The following PC variants were observed in gnomAD, a reference collection of about 807,000 sequenced individuals.
PC encodes the protein pyruvate carboxylase, mitochondrial.
A neutral mutation model predicts 107.8 loss-of-function variants in PC; 46 were observed. The ratio of observed to expected loss-of-function variants is 0.43; its 90% CI spans 0.34 to 0.55. PC has a LOEUF of 0.55. Among genes scored for constraint, PC ranks in the 20% least tolerant of loss-of-function variants. The probability of loss-of-function intolerance (pLI) is 0.04; values close to 1 mark genes in which losing one functional copy is unlikely to be tolerated. For synonymous variants in PC, 662 were observed against 684.7 expected (o/e 0.97, Z 0.52); for missense variants, 1,241 against 1,643.1 (o/e 0.76, Z 4.23).
rs561169212 is a variant in PC at position 66,848,798 on chromosome 11, C to T, written c.*101G>A. 372 of 1,501,156 alleles carry T rather than the reference C, an allele frequency of 2.5e-4. No individual in the cohort carries two copies. The highest frequency in any genetic ancestry group is 5.9e-4 in the South Asian group (52 of 88,094). 93.0% of individuals were successfully genotyped at this position (1,501,156 alleles called of 1,614,324 possible). A position where few individuals can be genotyped will look rare whatever the true frequency, so the allele number is the denominator to read the frequency against. On this transcript the variant is annotated 3_prime_UTR_variant, in exon 23 of 23. Transcript: ENST00000393960. ...AGCTGTGGACAGGACCTCCACGGCC[C>T]GGCCTTCCTGGCCTCGGGCACTGGC...
rs757589132 is a variant in PC, at chr11:66,866,195, G to A, written c.1177C>T (p.Arg393Cys). ...GCTCGAGCTCCGCCCACCTCAATGC[G>A]GCCGGTGTCCGGCTGGAAGCTGCGC... is the stretch of plus-strand genomic sequence containing the variant. Reference protein sequence around the residue: ...PARSFQPDTGRIEVFRSGEGM... With the variant: ...PARSFQPDTGCIEVFRSGEGM... Residue 393 changes from arginine to cysteine, a missense_variant, in exon 11 of 23, where the codon CGC becomes TGC. This residue lies in a region of PC where 1,143 missense variants were observed against 1,551.9 expected (regional missense o/e 0.74). Coordinates refer to ENST00000393960, the MANE Select transcript of PC (RefSeq NM_001040716.2). This position sits in a 1 kb window ranked among gnomAD's most constrained non-coding sequence, Gnocchi z 5.4. The A allele has an allele frequency of 1.1e-5, 18 of 1,608,550 alleles. No individual in the cohort carries two copies. The highest frequency in any genetic ancestry group is 1.9e-4 in the Middle Eastern group (1 of 5,152).
chr11:66,851,730 A>G (rs1381467322), intron 16 of PC, 60 bp downstream of exon 16: 2 of 1,572,590 alleles, frequency 1.3e-6, no homozygotes, highest in Non-Finnish European at 1.8e-6. Context: ...CCATCACGAC[A>G]TGGCTCGGTA....
At chr11:66,921,755 T>C (rs1238150368) in intron 3 of PC, among the ~76,000 whole-genome samples, 2 of 152,302 alleles carry the variant, frequency 1.3e-5, no homozygotes, top group East Asian at 3.9e-4. Flanking sequence ...AGATAATACA[T>C]GAAGAGGCCC....
chr11:66,904,005 T>C (rs1285283378), intron 3 of PC, among the ~76,000 whole-genome samples: 4 of 151,392 alleles, frequency 2.6e-5, no homozygotes, highest in African/African-American at 7.3e-5. Context: ...AGACTATAAT[T>C]ATATTTAACA....
Position 66,871,748 on chromosome 11 carries a change from C to T in PC, c.260G>A (p.Gly87Asp). The T allele has an allele frequency of 6.3e-7, 1 of 1,589,366 alleles. No homozygotes were observed. The change falls in exon 5 of 23, where the codon GGC becomes GAC. Residue 87 changes from glycine (G) to aspartate (D), a missense_variant. Gly to Asp is a moderately conservative substitution (Grantham distance 94). Coordinates refer to ENST00000393960, the MANE Select transcript of PC (RefSeq NM_001040716.2). The surrounding 1 kb of genome is among the most constrained non-coding windows in gnomAD (Gnocchi z 7.4). Reference sequence around the variant, plus strand: ...GGCCTGCACGGGGGCCAGGCCGCGGCCGATGAGATAGGCTTCATCTGCTTT... The same window carrying T: ...GGCCTGCACGGGGGCCAGGCCGCGGTCGATGAGATAGGCTTCATCTGCTTT... Reference protein sequence around the residue: ...RQKADEAYLIGRGLAPVQAYL... With the variant: ...RQKADEAYLIDRGLAPVQAYL...
At chr11:66,955,360 C>T (rs567369192) in intron 1 of PC, among the ~76,000 whole-genome samples, 2 of 152,084 alleles carry the variant, frequency 1.3e-5, no homozygotes, top group Non-Finnish European at 2.9e-5. Context: ...GAAGTGAGAC[C>T]GGGTGAAAGC....
intron 2 of PC, 70 bp downstream of exon 2, chr11:66,954,179 G>T (rs957728456): frequency 8.5e-5 from 13 of 152,134 alleles, no homozygotes; most frequent in Non-Finnish European, 1.3e-4. Flanking sequence ...AGCAGAGGGG[G>T]GACCGTGAGA....
intron 3 of PC, among the ~76,000 whole-genome samples, chr11:66,892,703 C>G (rs1947620398): frequency 6.6e-6 from 1 of 152,042 alleles, no homozygotes; most frequent in African/African-American, 2.4e-5. Context: ...AAAAATTAGC[C>G]AGGCACGGTG....
intron 1 of PC, among the ~76,000 whole-genome samples, chr11:66,957,098 C>T (rs1031428185): frequency 3.3e-5 from 5 of 152,216 alleles, no homozygotes; most frequent in African/African-American, 9.6e-5. Flanking sequence ...AGCACATCCA[C>T]CCCCAGCACA....
intron 3 of PC, among the ~76,000 whole-genome samples, chr11:66,895,396 T>C (rs1227714656): frequency 2.0e-5 from 3 of 151,906 alleles, no homozygotes; most frequent in Non-Finnish European, 4.4e-5. Flanking sequence ...CAACCAAAGG[T>C]CCCTGGGCAG....
At chr11:66,854,960 G>A (rs1469430471) in intron 12 of PC, among the ~76,000 whole-genome samples, 6 of 152,160 alleles carry the variant, frequency 3.9e-5, no homozygotes, top group East Asian at 3.9e-4. Context: ...CCCCGAGCGC[G>A]CAGAGTGAGA....
At chr11:66,873,465 ATATAT>A in intron 3 of PC, among the ~76,000 whole-genome samples, 1 of 83,152 alleles carries the variant, frequency 1.2e-5, no homozygotes, top group Non-Finnish European at 2.2e-5. Flanking sequence ...AATATATATT[ATATAT>A]AATATAATAT....
chr11:66,868,248 GAC>G lies in PC; in HGVS notation c.1022+596_1022+597del, dbSNP rs1946578339. Among the ~76,000 whole-genome samples, 5 of 152,306 alleles carry G rather than the reference GAC, an allele frequency of 3.3e-5. No individual in the cohort carries two copies. In the South Asian group the frequency reaches 1.0e-3, roughly 32 times the overall value. The stretch of plus-strand genomic sequence containing the variant: ...ACACGCTTAATAACCACCAAAGCCA[GAC>G]ACACAAACTAATTGCCTAACAATCG... On this transcript the variant is annotated intron_variant, in intron 10 of 22. Coordinates refer to ENST00000393960, the MANE Select transcript of PC (RefSeq NM_001040716.2).
intron 3 of PC, among the ~76,000 whole-genome samples, chr11:66,872,596 G>T (rs1019397375): frequency 6.6e-6 from 1 of 151,166 alleles, no homozygotes; most frequent in Non-Finnish European, 1.5e-5. Flanking sequence ...TTAGCCGGGC[G>T]TGGTGGCGGG....
chr11:66,877,552 A>G (rs114427454), intron 3 of PC, among the ~76,000 whole-genome samples: 6,113 of 152,314 alleles, frequency 0.04, 193 homozygotes, highest in African/African-American at 0.089. Context: ...TTAGCTAGGC[A>G]TGGTGGCGGG....
chr11:66,911,988 G>A (rs1389371256), intron 3 of PC, among the ~76,000 whole-genome samples: 13 of 150,630 alleles, frequency 8.6e-5, no homozygotes, highest in Admixed American at 7.9e-4. Flanking sequence ...AGCCAAAATC[G>A]CGCCATTGCA....
chr11:66,868,692 G>T lies in PC; in HGVS notation c.1022+154C>A, dbSNP rs45625436. Among the ~76,000 whole-genome samples, 6,434 of 152,302 alleles carry T rather than the reference G, an allele frequency of 0.042. 216 individuals are homozygous for T. Among genetic ancestry groups the T allele is most frequent in the Admixed American group, 0.057 (879 of 15,300 alleles). On this transcript the variant is annotated intron_variant, in intron 10 of 22. Transcript: ENST00000393960. ...AACCACGTAATGCTTTTAGAATAAT[G>T]ACTTTTAAAACACTAAGTACCTGGA... is the stretch of plus-strand genomic sequence containing the variant.
intron 3 of PC, among the ~76,000 whole-genome samples, chr11:66,890,032 G>C (rs1416067378): frequency 6.6e-6 from 1 of 152,118 alleles, no homozygotes; most frequent in Non-Finnish European, 1.5e-5. Context: ...GCCGAATGAG[G>C]GACTGCTATT....
chr11:66,940,614 G>C (rs916884441), intron 3 of PC, among the ~76,000 whole-genome samples: 2 of 151,988 alleles, frequency 1.3e-5, no homozygotes, highest in Non-Finnish European at 2.9e-5. Flanking sequence ...CTGCAGCCCA[G>C]GAGGTCGAGG....
Sources: gnomAD v4.1 joint callset for allele counts (sites outside exome capture counted in the v4.1 genomes callset) on GRCh38, gnomAD v4.1.1 for gene constraint, gnomAD v4.1.1 regional missense constraint, Gnocchi (gnomAD v3.1) non-coding constraint, MANE v1.5 for transcripts, NCBI Gene and HGNC (gene_info 2026-07-23, HGNC 2026-07-21) for gene names.